The following LHFPL6 variants were observed in gnomAD, a reference collection of about 807,000 sequenced individuals.
LHFPL6 encodes the protein LHFPL tetraspan subfamily member 6, also known as LHFPL tetraspan subfamily member 6 protein.
Under a neutral mutation model 20.6 loss-of-function variants are expected in LHFPL6, and 9 were observed. The observed-to-expected ratio is 0.44, with a 90% CI of 0.26 to 0.76. The LOEUF (loss-of-function observed/expected upper bound fraction) is 0.76, where lower values mean the gene tolerates loss of function less well. Among genes scored for constraint, LHFPL6 ranks in the 30% least tolerant of loss-of-function variants. The pLI, the probability that LHFPL6 is intolerant of heterozygous loss-of-function variation, is 0.20. For missense variants in LHFPL6, 218 were observed against 253.5 expected, an observed-to-expected ratio of 0.86 and a Z score of 0.95; for synonymous variants, 105 against 98.7, an observed-to-expected ratio of 1.06 and a Z score of -0.38.
intron 2 of LHFPL6, among the ~76,000 whole-genome samples, chr13:39,544,440 G>A (rs1870908961): frequency 6.6e-6 from 1 of 152,108 alleles, no homozygotes; most frequent in Non-Finnish European, 1.5e-5. Flanking sequence ...AAATCAAAAG[G>A]CTAATGAATA....
chr13:39,362,241 C>T (rs374201538), intron 3 of LHFPL6, among the ~76,000 whole-genome samples: 5 of 152,154 alleles, frequency 3.3e-5, no homozygotes, highest in East Asian at 1.9e-4. Flanking sequence ...TGAGTTGTCA[C>T]GAGATCTGGT....
Position 39,457,389 on chromosome 13 carries a change from C to A in LHFPL6, c.386-78863G>T, listed in dbSNP as rs189352253. 2.6e-5 allele frequency among the ~76,000 whole-genome samples: 4 copies of A among 152,210 alleles called. No individual in the cohort carries two copies. The East Asian group carries it at 7.7e-4, about 29-fold the overall frequency. The stretch of plus-strand genomic sequence containing the variant: ...GTACATGAAAAGAAGTTCAACATCA[C>A]TAGTTATTAGGGAAATGTGAATTGA... On this transcript the variant is annotated intron_variant, in intron 2 of 3. Transcript: ENST00000379589.
intron 3 of LHFPL6, among the ~76,000 whole-genome samples, chr13:39,350,183 T>C (rs999992427): frequency 2.0e-5 from 3 of 152,238 alleles, no homozygotes; most frequent in African/African-American, 7.2e-5. Flanking sequence ...TTCTGAAACA[T>C]TCCTTGTATA....
At chr13:39,407,357 A>T (rs986831305) in intron 2 of LHFPL6, among the ~76,000 whole-genome samples, 1 of 152,172 alleles carries the variant, frequency 6.6e-6, no homozygotes, top group Admixed American at 6.5e-5. Context: ...CCTTCTGGCC[A>T]TACTGCAGTT....
chr13:39,509,336 T>C (rs911142133), intron 2 of LHFPL6, among the ~76,000 whole-genome samples: 18 of 152,168 alleles, frequency 1.2e-4, no homozygotes, highest in Non-Finnish European at 1.6e-4. Flanking sequence ...ACACCTTTAA[T>C]GTCATATCTA....
intron 3 of LHFPL6, among the ~76,000 whole-genome samples, chr13:39,355,407 C>T (rs909313099): frequency 1.1e-4 from 16 of 152,124 alleles, no homozygotes; most frequent in Non-Finnish European, 2.1e-4. Context: ...TGGAAATGAA[C>T]GAGTAGTACC....
At chr13:39,397,510 G>A (rs996460696) in intron 2 of LHFPL6, among the ~76,000 whole-genome samples, 25 of 152,204 alleles carry the variant, frequency 1.6e-4, no homozygotes, top group African/African-American at 5.8e-4. Flanking sequence ...AGAGCTTGAA[G>A]AAATTTACCG....
intron 2 of LHFPL6, among the ~76,000 whole-genome samples, chr13:39,590,690 A>G (rs1004018293): frequency 6.6e-6 from 1 of 152,236 alleles, no homozygotes; most frequent in Non-Finnish European, 1.5e-5. Context: ...ACATTGAATC[A>G]TGTAAGTATC....
At chr13:39,399,609 A>G (rs1192223221) in intron 2 of LHFPL6, among the ~76,000 whole-genome samples, 1 of 152,234 alleles carries the variant, frequency 6.6e-6, no homozygotes, top group Non-Finnish European at 1.5e-5. Flanking sequence ...GAAGCATGGG[A>G]CTTGAAAGGA....
chr13:39,558,038 C>A (rs1026011699), intron 2 of LHFPL6, among the ~76,000 whole-genome samples: 1 of 152,220 alleles, frequency 6.6e-6, no homozygotes, highest in Non-Finnish European at 1.5e-5. Context: ...GCTTTCCGTA[C>A]GGCCTGCAGA....
chr13:39,533,281 A>AATGAGACAATTATTGGCTC (rs1826012644), intron 2 of LHFPL6, among the ~76,000 whole-genome samples: 1 of 152,222 alleles, frequency 6.6e-6, no homozygotes. Flanking sequence ...ACAGGGGCTT[A>AATGAGACAATTATTGGCTC]AATGAGACAA....
At chr13:39,443,747 T>A (rs779412250) in intron 2 of LHFPL6, among the ~76,000 whole-genome samples, 2 of 151,976 alleles carry the variant, frequency 1.3e-5, no homozygotes, top group Non-Finnish European at 2.9e-5. Context: ...TTTTACTTTA[T>A]GATGGTGTGA....
intron 2 of LHFPL6, among the ~76,000 whole-genome samples, chr13:39,563,908 T>A (rs1871628532): frequency 6.6e-6 from 1 of 152,172 alleles, no homozygotes; most frequent in African/African-American, 2.4e-5. Flanking sequence ...ATGAGGCTAA[T>A]AGACACTATC....
chr13:39,577,405 T>C (rs1872149575), intron 2 of LHFPL6, among the ~76,000 whole-genome samples: 1 of 152,156 alleles, frequency 6.6e-6, no homozygotes, highest in Admixed American at 6.5e-5. Flanking sequence ...GTTAGCATTT[T>C]AGAAAGGAGC....
chr13:39,596,012 A>G (rs965211856), intron 2 of LHFPL6, among the ~76,000 whole-genome samples: 3 of 152,164 alleles, frequency 2.0e-5, no homozygotes, highest in Non-Finnish European at 4.4e-5. Context: ...AATCCACTGC[A>G]TGCAAACTTC....
At chr13:39,382,101 T>G (rs1870452684) in intron 2 of LHFPL6, among the ~76,000 whole-genome samples, 1 of 152,194 alleles carries the variant, frequency 6.6e-6, no homozygotes, top group Admixed American at 6.5e-5. Context: ...CGTATGGAAG[T>G]ATGGAGGTTT....
chr13:39,558,906 C>T (rs1161294312), intron 2 of LHFPL6, among the ~76,000 whole-genome samples: 1 of 152,158 alleles, frequency 6.6e-6, no homozygotes, highest in Non-Finnish European at 1.5e-5. Context: ...TGATGAATAT[C>T]GTTAGAAAAT....
chr13:39,417,579 T>C (rs1871379579), intron 2 of LHFPL6, among the ~76,000 whole-genome samples: 1 of 152,248 alleles, frequency 6.6e-6, no homozygotes, highest in Admixed American at 6.5e-5. Context: ...AAATTCTTCC[T>C]TGTTAGCCAT....
intron 3 of LHFPL6, among the ~76,000 whole-genome samples, chr13:39,349,803 C>T (rs1158926027): frequency 6.6e-6 from 1 of 152,000 alleles, no homozygotes; most frequent in African/African-American, 2.4e-5. Flanking sequence ...ATGTGGGGGG[C>T]CAGGGAACAG....
Sources: allele counts gnomAD v4.1 joint callset (sites outside exome capture counted in the v4.1 genomes callset), GRCh38; gene constraint gnomAD v4.1.1; transcripts MANE v1.5; gene names NCBI Gene and HGNC (gene_info 2026-07-23, HGNC 2026-07-21).